The following HIBADH variants were observed in gnomAD, a reference collection of about 807,000 sequenced individuals.
HIBADH encodes the protein 3-hydroxyisobutyrate dehydrogenase, mitochondrial.
A neutral mutation model predicts 36.1 loss-of-function variants in HIBADH; 25 were observed. The ratio of observed to expected loss-of-function variants is 0.69; its 90% CI spans 0.50 to 0.97. The LOEUF (loss-of-function observed/expected upper bound fraction) is 0.97. Among genes scored for constraint, HIBADH ranks in the 50% least tolerant of loss-of-function variants. The probability of loss-of-function intolerance (pLI) is 0.00; values close to 1 mark genes in which losing one functional copy is unlikely to be tolerated. For missense variants in HIBADH, 421 were observed against 418.0 expected (o/e 1.01, Z -0.06); for synonymous variants, 160 against 149.5 (o/e 1.07, Z -0.51).
At chr7:27,661,530 G>T (rs1786417603) in intron 1 of HIBADH, among the ~76,000 whole-genome samples, 1 of 136,036 alleles carries the variant, frequency 7.4e-6, no homozygotes, top group Non-Finnish European at 1.5e-5. Context: ...CGAGACTGCA[G>T]TGAGCAGTGT....
At chr7:27,543,219 C>A in intron 4 of HIBADH, 119 bp from the exon 5 acceptor site, 1 of 987,156 alleles carries the variant, frequency 1.0e-6, no homozygotes, top group South Asian at 1.6e-5. Flanking sequence ...TGTATTTATG[C>A]CAGGCATGTA....
chr7:27,542,426 AT>A (rs1205481338), intron 5 of HIBADH, among the ~76,000 whole-genome samples: 6 of 134,646 alleles, frequency 4.5e-5, no homozygotes, highest in Admixed American at 2.3e-4. Context: ...CTAATAATGA[AT>A]TTTTTTTCCC....
At chr7:27,574,223 T>C (rs893473685) in intron 4 of HIBADH, among the ~76,000 whole-genome samples, 45 of 151,980 alleles carry the variant, frequency 3.0e-4, no homozygotes, top group African/African-American at 9.6e-4. Context: ...AGTTGGAATT[T>C]TGGAAAAGCA....
chr7:27,530,214 T>G (rs1366200553), intron 7 of HIBADH, among the ~76,000 whole-genome samples: 1 of 152,124 alleles, frequency 6.6e-6, no homozygotes, highest in African/African-American at 2.4e-5. Context: ...TTCTTTTTTT[T>G]TTTCTATTTG....
chr7:27,569,908 A>G (rs1033036560), intron 4 of HIBADH, among the ~76,000 whole-genome samples: 1 of 152,190 alleles, frequency 6.6e-6, no homozygotes, highest in African/African-American at 2.4e-5. Context: ...AGAGGATCAT[A>G]TGGCAGAGCT....
chr7:27,615,275 G>T (rs904473192), intron 4 of HIBADH, among the ~76,000 whole-genome samples: 1 of 152,150 alleles, frequency 6.6e-6, no homozygotes, highest in Non-Finnish European at 1.5e-5. Context: ...ACATAGTGTG[G>T]GAAGAACATT....
intron 2 of HIBADH, among the ~76,000 whole-genome samples, chr7:27,636,334 T>A (rs755169859): frequency 5.3e-4 from 80 of 152,264 alleles, no homozygotes; most frequent in Non-Finnish European, 1.0e-3. Context: ...CTGTGTTTTT[T>A]AATCTTTAAC....
At chr7:27,527,811 CGCAATCTTGGCTCACA>C (rs1783927122) in intron 7 of HIBADH, among the ~76,000 whole-genome samples, 1 of 141,762 alleles carries the variant, frequency 7.1e-6, no homozygotes. Flanking sequence ...AGTGTAGTGG[CGCAATCTTGGCTCACA>C]GCAACCTCTG....
intron 4 of HIBADH, among the ~76,000 whole-genome samples, chr7:27,613,127 T>TATATATTCATATAA (rs1785355801): frequency 8.1e-6 from 1 of 123,884 alleles, no homozygotes; most frequent in South Asian, 2.2e-4. Flanking sequence ...AATATATTTA[T>TATATATTCATATAA]ATATATTTAT....
chr7:27,547,587 T>G lies in HIBADH; in HGVS notation c.485-4487A>C, dbSNP rs183722561. 1.7e-4 allele frequency among the ~76,000 whole-genome samples: 26 copies of G among 152,204 alleles called. No homozygotes were observed. In the East Asian group the frequency reaches 5.0e-3, roughly 29 times the overall value. ...AACAGACAACGACTGTAATACCATG[T>G]GATAACTGCTCTCACAAGATATGCA... On this transcript the variant is annotated intron_variant, in intron 4 of 7. Coordinates refer to ENST00000265395, the MANE Select transcript of HIBADH (RefSeq NM_152740.4).
At chr7:27,556,054 A>C (rs1035763368) in intron 4 of HIBADH, among the ~76,000 whole-genome samples, 3 of 152,184 alleles carry the variant, frequency 2.0e-5, no homozygotes, top group African/African-American at 7.2e-5. Context: ...AACTTAATGC[A>C]AAAAACATTC....
chr7:27,649,970 A>C (rs1786150556), intron 1 of HIBADH, among the ~76,000 whole-genome samples: 1 of 152,070 alleles, frequency 6.6e-6, no homozygotes, highest in African/African-American at 2.4e-5. Context: ...AACAATGTGC[A>C]GGCAGACTAA....
chr7:27,626,425 TA>T (rs1372483896), intron 4 of HIBADH, among the ~76,000 whole-genome samples: 2 of 152,208 alleles, frequency 1.3e-5, no homozygotes, highest in African/African-American at 2.4e-5. Context: ...TTTCGATTTT[TA>T]AAAGAAGTCA....
intron 2 of HIBADH, among the ~76,000 whole-genome samples, chr7:27,633,480 A>G (rs1472096131): frequency 6.6e-6 from 1 of 152,138 alleles, no homozygotes. Flanking sequence ...TAACACGGTG[A>G]GACTCCATCT....
intron 4 of HIBADH, among the ~76,000 whole-genome samples, chr7:27,600,898 T>C (rs1785120412): frequency 2.0e-5 from 3 of 152,154 alleles, no homozygotes; most frequent in African/African-American, 7.2e-5. Context: ...CTATGAGTTA[T>C]GAAGCCAGAC....
chr7:27,642,091 AC>A (rs1218235405), intron 2 of HIBADH, among the ~76,000 whole-genome samples: 1 of 152,176 alleles, frequency 6.6e-6, no homozygotes, highest in East Asian at 1.9e-4. Flanking sequence ...AGGAGCACCG[AC>A]CCAGAACCCA....
At chr7:27,532,012 G>C (rs1301319337) in intron 6 of HIBADH, among the ~76,000 whole-genome samples, 3 of 152,142 alleles carry the variant, frequency 2.0e-5, no homozygotes, top group African/African-American at 4.8e-5. Context: ...TCTATTCAGA[G>C]ACATGCATTA....
intron 7 of HIBADH, among the ~76,000 whole-genome samples, chr7:27,526,910 G>A (rs960896830): frequency 6.6e-6 from 1 of 152,138 alleles, no homozygotes; most frequent in Admixed American, 6.6e-5. Flanking sequence ...GATAGGAGGA[G>A]TACTATCATG....
chr7:27,583,942 C>T (rs6961867), intron 4 of HIBADH, among the ~76,000 whole-genome samples: 44,354 of 151,762 alleles, frequency 0.29, 6,999 homozygotes, highest in Middle Eastern at 0.32. Flanking sequence ...AAGAGTAGCA[C>T]TGCTTGACAA....
Sources: gnomAD v4.1 joint callset for allele counts (sites outside exome capture counted in the v4.1 genomes callset) on GRCh38, gnomAD v4.1.1 for gene constraint, MANE v1.5 for transcripts, NCBI Gene and HGNC (gene_info 2026-07-23, HGNC 2026-07-21) for gene names.